The following CDC73 variants were observed in gnomAD, a reference collection of about 807,000 sequenced individuals.
CDC73 encodes the protein parafibromin.
In CDC73, 21 loss-of-function variants were observed where a neutral mutation model predicts 83.7. The observed-to-expected ratio is 0.25, with a 90% CI of 0.18 to 0.36. The LOEUF (loss-of-function observed/expected upper bound fraction) is 0.36, where lower values mean the gene tolerates loss of function less well. Among genes scored for constraint, CDC73 ranks in the 10% least tolerant of loss-of-function variants. The pLI is 1.00. For missense variants in CDC73, 342 were observed against 653.3 expected, an observed-to-expected ratio of 0.52 and a Z score of 5.19; for synonymous variants, 224 against 212.9, an observed-to-expected ratio of 1.05 and a Z score of -0.45.
At chr1:193,162,499 A>G (rs1676356868) in intron 10 of CDC73, among the ~76,000 whole-genome samples, 1 of 150,938 alleles carries the variant, frequency 6.6e-6, no homozygotes, top group Non-Finnish European at 1.5e-5. Flanking sequence ...CAGCCTCCTG[A>G]GTAGCTGAGA....
rs139866449 is a variant in CDC73 at position 193,131,247 on chromosome 1, G to T, written c.307+1004G>T. ...CAAAAACAAGTCTGTTGTTTTCTCAGTGTTCCCACTTTAGTAAGGGGTAGT... is the reference window on the plus strand; with the variant it reads ...CAAAAACAAGTCTGTTGTTTTCTCATTGTTCCCACTTTAGTAAGGGGTAGT... On this transcript the variant is annotated intron_variant, in intron 3 of 16. Coordinates refer to ENST00000367435, the MANE Select transcript of CDC73 (RefSeq NM_024529.5). Among the ~76,000 whole-genome samples the T allele has an allele frequency of 2.1e-3, 316 of 151,922 alleles. 2 individuals are homozygous for T. The highest frequency in any genetic ancestry group is 7.3e-3 in the African/African-American group (304 of 41,448).
At chr1:193,228,031 G>A (rs1187619748) in intron 13 of CDC73, among the ~76,000 whole-genome samples, 2 of 152,128 alleles carry the variant, frequency 1.3e-5, no homozygotes, top group African/African-American at 4.8e-5. Context: ...AGTTGACCTA[G>A]GGTAGCTGAA....
intron 10 of CDC73, among the ~76,000 whole-genome samples, chr1:193,198,756 T>G (rs1006963622): frequency 6.6e-6 from 1 of 152,170 alleles, no homozygotes; most frequent in Non-Finnish European, 1.5e-5. Flanking sequence ...TTACAAGGTA[T>G]TAGTAGTTAG....
At chr1:193,134,702 A>C (rs1675759103) in intron 3 of CDC73, among the ~76,000 whole-genome samples, 1 of 152,140 alleles carries the variant, frequency 6.6e-6, no homozygotes, top group Non-Finnish European at 1.5e-5. Context: ...CTACTTACTG[A>C]TATGGAGGGT....
At position 193,161,717 on chromosome 1, in the gene CDC73, TATA is replaced by T. The variant is rs1228994206; in HGVS notation, c.972+9277_972+9279del. 9.8e-4 allele frequency among the ~76,000 whole-genome samples: 18 copies of T among 18,324 alleles called. 7 individuals carry two copies. Among genetic ancestry groups the T allele is most frequent in the Non-Finnish European group, 1.9e-3 (16 of 8,592 alleles). The allele number at this position is 18,324 out of a possible 152,430, so 12.0% of individuals were successfully genotyped here. ...AATATATTATATATCTATCATATAA[TATA>T]ATATATATAATATATAATATATATC... On this transcript the variant is annotated intron_variant, in intron 10 of 16. Transcript: ENST00000367435.
intron 15 of CDC73, among the ~76,000 whole-genome samples, chr1:193,239,983 C>T (rs1320217537): frequency 6.6e-6 from 1 of 152,088 alleles, no homozygotes; most frequent in East Asian, 1.9e-4. Context: ...AACCACCTTT[C>T]ATCCCTCTCC....
chr1:193,199,575 T>G (rs1677055692), intron 10 of CDC73, among the ~76,000 whole-genome samples: 1 of 151,492 alleles, frequency 6.6e-6, no homozygotes, highest in Non-Finnish European at 1.5e-5. Context: ...AGCCGGACAT[T>G]GATGGTGCGC....
At chr1:193,128,421 G>A (rs1190780770) in intron 2 of CDC73, among the ~76,000 whole-genome samples, 2 of 151,808 alleles carry the variant, frequency 1.3e-5, no homozygotes, top group African/African-American at 4.8e-5. Context: ...AGCCTCCTGA[G>A]TAGCTGGGAG....
At chr1:193,139,082 G>C (rs910205975) in intron 6 of CDC73, among the ~76,000 whole-genome samples, 1 of 151,936 alleles carries the variant, frequency 6.6e-6, no homozygotes, top group African/African-American at 2.4e-5. Flanking sequence ...CTGAACTTTA[G>C]TATTTTTTTC....
chr1:193,180,699 G>A, intron 10 of CDC73: 3 of 1,614,028 alleles, frequency 1.9e-6, no homozygotes, highest in Non-Finnish European at 1.7e-6. Flanking sequence ...TGTTTCGATT[G>A]GGTGCATATC....
chr1:193,234,299 T>G, intron 14 of CDC73, among the ~76,000 whole-genome samples: 1 of 134,198 alleles, frequency 7.5e-6, no homozygotes, highest in African/African-American at 2.9e-5. Flanking sequence ...ATTATATATA[T>G]AATATAATTT....
In CDC73 at chr1:193,250,818, T is replaced by C; in HGVS notation, c.*106T>C. The C allele has an allele frequency of 9.8e-7, 1 of 1,023,970 alleles. No homozygotes were observed. Among genetic ancestry groups the C allele is most frequent in the South Asian group, 1.3e-5 (1 of 75,462 alleles). 63.4% of individuals were successfully genotyped at this position (1,023,970 alleles called of 1,614,324 possible). On this transcript the variant is annotated 3_prime_UTR_variant, in exon 17 of 17. Transcript: ENST00000367435. ...AGATTGATCTTTTATAAGACCTTATTTGATGCTTTGTGCTTCAAGGAGATG... is the reference window on the plus strand; with the variant it reads ...AGATTGATCTTTTATAAGACCTTATCTGATGCTTTGTGCTTCAAGGAGATG...
intron 10 of CDC73, among the ~76,000 whole-genome samples, chr1:193,165,193 T>C (rs995374437): frequency 6.6e-6 from 1 of 152,186 alleles, no homozygotes; most frequent in Non-Finnish European, 1.5e-5. Context: ...GGAAATCACT[T>C]TCTCTACCTT....
At chr1:193,237,822 A>G (rs887935181) in intron 15 of CDC73, among the ~76,000 whole-genome samples, 1 of 151,940 alleles carries the variant, frequency 6.6e-6, no homozygotes, top group Non-Finnish European at 1.5e-5. Flanking sequence ...GTCTGCGTAC[A>G]TTTTCCTTCT....
At chr1:193,154,774 T>G (rs1463373402) in intron 10 of CDC73, among the ~76,000 whole-genome samples, 1 of 152,216 alleles carries the variant, frequency 6.6e-6, no homozygotes, top group Non-Finnish European at 1.5e-5. Context: ...GTTTTCAATT[T>G]AATATTTTTT....
At chr1:193,250,503 G>A (rs1558326358) in intron 16 of CDC73, among the ~76,000 whole-genome samples, 173 bp from the exon 17 acceptor site, 1 of 151,726 alleles carries the variant, frequency 6.6e-6, no homozygotes, top group Non-Finnish European at 1.5e-5. Flanking sequence ...CTTAATAAGA[G>A]GAGTGTTATT....
Position 193,146,474 on chromosome 1 carries a change from G to GAAGCAAGC in CDC73, c.730-1354_730-1347dup, listed in dbSNP as rs201981048. Reference sequence around the variant, plus strand: ...GAGGGTCATTTCATGGCAGAAGGCAGAAGCAAGCAAGCAAGCAAGCAAGCA... The same window carrying GAAGCAAGC: ...GAGGGTCATTTCATGGCAGAAGGCAGAAGCAAGCAAGCAAGCAAGCAAGCAAGCAAGCA... On this transcript the variant is annotated intron_variant, in intron 7 of 16. Transcript: ENST00000367435. 7.9e-3 allele frequency among the ~76,000 whole-genome samples: 1,185 copies of GAAGCAAGC among 150,932 alleles called. 15 individuals are homozygous for GAAGCAAGC. Among genetic ancestry groups the GAAGCAAGC allele is most frequent in the East Asian group, 0.036 (184 of 5,144 alleles).
intron 13 of CDC73, among the ~76,000 whole-genome samples, chr1:193,223,272 A>T: frequency 6.6e-6 from 1 of 151,090 alleles, no homozygotes; most frequent in African/African-American, 2.4e-5. Context: ...TTTACTGTTC[A>T]TTTTCCTTGG....
chr1:193,198,296 C>A (rs567677236), intron 10 of CDC73, among the ~76,000 whole-genome samples: 1 of 152,306 alleles, frequency 6.6e-6, no homozygotes, highest in South Asian at 2.1e-4. Flanking sequence ...TTAATCCCCA[C>A]TGTGGTGATA....
Sources: gnomAD v4.1 joint callset for allele counts (sites outside exome capture counted in the v4.1 genomes callset) on GRCh38, gnomAD v4.1.1 for gene constraint, MANE v1.5 for transcripts, NCBI Gene and HGNC (gene_info 2026-07-23, HGNC 2026-07-21) for gene names.